The following ARL15 variants were observed in gnomAD, a reference collection of about 807,000 sequenced individuals.
ARL15 encodes ARF like GTPase 15, also known as ADP-ribosylation factor-like protein 15.
Under a neutral mutation model 25.2 loss-of-function variants are expected in ARL15, and 19 were observed. The observed-to-expected ratio is 0.75, with a 90% CI of 0.53 to 1.10. The LOEUF is 1.10. Among genes scored for constraint, ARL15 ranks in the 50% least tolerant of loss-of-function variants. The pLI is 0.00. For missense variants in ARL15, 220 were observed against 246.0 expected, an observed-to-expected ratio of 0.89 and a Z score of 0.71; for synonymous variants, 94 against 86.8, an observed-to-expected ratio of 1.08 and a Z score of -0.46.
intron 4 of ARL15, among the ~76,000 whole-genome samples, chr5:53,945,872 T>C (rs1412869836): frequency 6.6e-6 from 1 of 152,146 alleles, no homozygotes; most frequent in Non-Finnish European, 1.5e-5. Flanking sequence ...CCTTATTTTG[T>C]AGACGAAGTA....
intron 3 of ARL15, among the ~76,000 whole-genome samples, chr5:54,118,621 TA>T (rs1561230745): frequency 6.6e-6 from 1 of 152,200 alleles, no homozygotes; most frequent in Non-Finnish European, 1.5e-5. Context: ...AGTCTTACTT[TA>T]AACTATCTTT....
intron 1 of ARL15, among the ~76,000 whole-genome samples, chr5:54,283,129 T>G (rs1334332761): frequency 6.6e-6 from 1 of 152,234 alleles, no homozygotes; most frequent in African/African-American, 2.4e-5. Context: ...CACGGTTTTA[T>G]CCATTGTGGC....
intron 4 of ARL15, among the ~76,000 whole-genome samples, chr5:54,067,982 G>T (rs3776691): frequency 0.27 from 41,599 of 152,048 alleles, 7,362 homozygotes; most frequent in African/African-American, 0.51. Context: ...TTTGTTTGTA[G>T]GTCTATCTCT....
intron 4 of ARL15, among the ~76,000 whole-genome samples, chr5:54,005,639 G>A (rs1342623927): frequency 2.0e-5 from 3 of 152,038 alleles, no homozygotes; most frequent in East Asian, 1.9e-4. Flanking sequence ...CGAGGCGGGC[G>A]GATCACGAGG....
intron 1 of ARL15, among the ~76,000 whole-genome samples, chr5:54,256,061 AAT>A (rs1296614905): frequency 1.3e-5 from 2 of 152,076 alleles, no homozygotes; most frequent in African/African-American, 4.8e-5. Context: ...GAAAAAAAAA[AAT>A]AACAAAGATC....
chr5:53,965,224 G>C lies in ARL15; in HGVS notation c.463-78511C>G, dbSNP rs142416144. On this transcript the variant is annotated intron_variant, in intron 4 of 4. Transcript: ENST00000504924. ...AGTCCTTAGAATATATTTCTTGTTTGTATATTATTAATATCTCCTTTAGTG... is the reference window on the plus strand; with the variant it reads ...AGTCCTTAGAATATATTTCTTGTTTCTATATTATTAATATCTCCTTTAGTG... Among the ~76,000 whole-genome samples the C allele has an allele frequency of 3.9e-5, 6 of 152,218 alleles. No homozygotes were observed. The East Asian group carries it at 1.2e-3, about 29-fold the overall frequency.
intron 1 of ARL15, among the ~76,000 whole-genome samples, chr5:54,205,924 A>T (rs542785295): frequency 6.6e-6 from 1 of 152,152 alleles, no homozygotes; most frequent in Non-Finnish European, 1.5e-5. Context: ...TAATACTTAA[A>T]AAGTATCTAG....
intron 1 of ARL15, among the ~76,000 whole-genome samples, chr5:54,183,544 C>T (rs255687): frequency 1.7e-3 from 251 of 147,872 alleles, no homozygotes; most frequent in African/African-American, 6.0e-3. Flanking sequence ...CTGCTGGATT[C>T]GGTTTGCCAG....
At chr5:54,005,267 ATACCTTCTGGTGTCCTATACTAT>A (rs1688442595) in intron 4 of ARL15, among the ~76,000 whole-genome samples, 1 of 140,142 alleles carries the variant, frequency 7.1e-6, no homozygotes, top group South Asian at 2.4e-4. Context: ...CACTCCAAAC[ATACCTTCTGGTGTCCTATACTAT>A]TTGCCCTTCT....
intron 4 of ARL15, among the ~76,000 whole-genome samples, chr5:54,022,097 C>CA (rs1289319461): frequency 6.6e-6 from 1 of 152,016 alleles, no homozygotes; most frequent in East Asian, 1.9e-4. Context: ...AAGGGAAACT[C>CA]AGAGAATTTG....
chr5:54,094,842 T>G (rs1294689176), intron 4 of ARL15, among the ~76,000 whole-genome samples: 1 of 152,196 alleles, frequency 6.6e-6, no homozygotes, highest in Non-Finnish European at 1.5e-5. Context: ...TTTAAGGAGC[T>G]GTTCTAGGCA....
intron 4 of ARL15, among the ~76,000 whole-genome samples, chr5:53,931,925 G>A (rs575278697): frequency 1.3e-5 from 2 of 152,240 alleles, no homozygotes; most frequent in South Asian, 2.1e-4. Context: ...CTGCCCATCC[G>A]GCACAGTAAT....
chr5:54,084,307 G>A (rs1751889041), intron 4 of ARL15, among the ~76,000 whole-genome samples: 1 of 151,980 alleles, frequency 6.6e-6, no homozygotes, highest in Non-Finnish European at 1.5e-5. Context: ...GTTCCTGATA[G>A]AGTGGCTGGG....
intron 4 of ARL15, among the ~76,000 whole-genome samples, chr5:54,098,025 G>C (rs1752336288): frequency 6.6e-6 from 1 of 152,082 alleles, no homozygotes; most frequent in Admixed American, 6.6e-5. Flanking sequence ...GCTGGGTTTG[G>C]CTTCTCTTTC....
At chr5:54,159,864 T>C (rs1230661051) in intron 2 of ARL15, among the ~76,000 whole-genome samples, 1 of 152,222 alleles carries the variant, frequency 6.6e-6, no homozygotes, top group East Asian at 1.9e-4. Flanking sequence ...GAATTTGAAG[T>C]TTTTCATGCA....
intron 1 of ARL15, among the ~76,000 whole-genome samples, chr5:54,275,643 G>A (rs1323731696): frequency 1.3e-5 from 2 of 151,870 alleles, no homozygotes; most frequent in African/African-American, 4.8e-5. Flanking sequence ...AGATTCCAAA[G>A]TGACTACTGG....
intron 1 of ARL15, among the ~76,000 whole-genome samples, chr5:54,301,416 C>T (rs1029271716): frequency 2.0e-5 from 3 of 152,102 alleles, no homozygotes; most frequent in Admixed American, 6.5e-5. Context: ...TCACTAACCT[C>T]GGGATAGTGG....
chr5:54,115,896 G>A (rs1189361448), intron 3 of ARL15, among the ~76,000 whole-genome samples: 2 of 152,180 alleles, frequency 1.3e-5, no homozygotes, highest in Non-Finnish European at 2.9e-5. Flanking sequence ...AACATCTTAG[G>A]TCCGGTTCCC....
At chr5:54,087,729 A>C (rs80218499) in intron 4 of ARL15, among the ~76,000 whole-genome samples, 993 of 20,662 alleles carry the variant, frequency 0.048, 11 homozygotes, top group African/African-American at 0.075. Flanking sequence ...CAAAAATGAA[A>C]CTAAATGGCT....
Sources: allele counts gnomAD v4.1 joint callset (sites outside exome capture counted in the v4.1 genomes callset), GRCh38; gene constraint gnomAD v4.1.1; transcripts MANE v1.5; gene names NCBI Gene and HGNC (gene_info 2026-07-23, HGNC 2026-07-21).